Variants in COL8A1 observed in about 807,000 individuals in gnomAD.
The protein encoded by COL8A1 is collagen type VIII alpha 1 chain.
A neutral mutation model predicts 42.7 loss-of-function variants in COL8A1; 21 were observed. The observed-to-expected ratio is 0.49, with a 90% CI of 0.35 to 0.71. The LOEUF is 0.71. COL8A1 is among the 30% of genes least tolerant of loss of function. COL8A1 has a pLI of 0.01. For synonymous variants in COL8A1, 367 were observed against 369.1 expected (o/e 0.99, Z 0.06); for missense variants, 788 against 962.4 (o/e 0.82, Z 2.40).
intron 2 of COL8A1, among the ~76,000 whole-genome samples, chr3:99,779,504 T>C (rs563749125): frequency 1.3e-5 from 2 of 152,322 alleles, no homozygotes; most frequent in South Asian, 2.1e-4. Context: ...TTCAGTTCTC[T>C]GAATTTCAAA....
intron 1 of COL8A1, among the ~76,000 whole-genome samples, chr3:99,739,856 G>A (rs1320805098): frequency 6.6e-6 from 1 of 152,230 alleles, no homozygotes; most frequent in Non-Finnish European, 1.5e-5. Context: ...AATTTCTGCA[G>A]CAGGCTTGAA....
rs1559638164 is a variant in COL8A1, at chr3:99,794,092, C to G, written c.329-138C>G. On this transcript the variant is annotated intron_variant, in intron 3 of 3. Transcript: ENST00000652472. This position sits in a 1 kb window ranked among gnomAD's most constrained non-coding sequence, Gnocchi z 4.3. ...AGAAGATGAGCATATTATTCCTAGT[C>G]TTTTCTCTTGATAAGTATTAGGCAA... 21 of 576,152 alleles carry G rather than the reference C, an allele frequency of 3.6e-5. No individual in the cohort carries two copies. Among genetic ancestry groups the G allele is most frequent in the Non-Finnish European group, 2.4e-5 (8 of 333,426 alleles). 35.7% of individuals were successfully genotyped at this position (576,152 alleles called of 1,614,324 possible).
intron 1 of COL8A1, among the ~76,000 whole-genome samples, chr3:99,725,887 G>A: frequency 6.6e-6 from 1 of 152,062 alleles, no homozygotes; most frequent in East Asian, 1.9e-4. Context: ...GTGTGCATAT[G>A]TCTTTATAGC....
At chr3:99,770,987 C>A (rs564978276) in intron 2 of COL8A1, among the ~76,000 whole-genome samples, 1 of 152,290 alleles carries the variant, frequency 6.6e-6, no homozygotes, top group South Asian at 2.1e-4. Context: ...CCAAAACCTG[C>A]ATGACATGAA....
At chr3:99,711,856 T>G (rs914425287) in intron 1 of COL8A1, among the ~76,000 whole-genome samples, 15 of 152,168 alleles carry the variant, frequency 9.9e-5, no homozygotes, top group Non-Finnish European at 1.0e-4. Flanking sequence ...GATAATATTT[T>G]CTACCTCTCT....
chr3:99,675,899 C>G (rs1455771009), intron 1 of COL8A1, among the ~76,000 whole-genome samples: 5 of 151,912 alleles, frequency 3.3e-5, no homozygotes, highest in Non-Finnish European at 7.4e-5. Flanking sequence ...TTCATGTCAG[C>G]ATTATTTCAT....
chr3:99,687,540 C>T (rs902176722), intron 1 of COL8A1, among the ~76,000 whole-genome samples: 9 of 152,130 alleles, frequency 5.9e-5, no homozygotes, highest in Non-Finnish European at 1.2e-4. Flanking sequence ...CAGGAAGCTG[C>T]GGATGTGCAC....
chr3:99,677,935 G>A (rs1223280435), intron 1 of COL8A1: 1 of 152,208 alleles, frequency 6.6e-6, no homozygotes, highest in Non-Finnish European at 1.5e-5. Context: ...GTTTGTGACT[G>A]TGAGAAAAGA....
At chr3:99,707,297 G>A (rs991591046) in intron 1 of COL8A1, 8 of 152,132 alleles carry the variant, frequency 5.3e-5, no homozygotes, top group Admixed American at 3.3e-4. Context: ...AGCTTCACTG[G>A]TCTGAGAAAA....
chr3:99,736,938 T>C (rs1269450960), intron 1 of COL8A1, among the ~76,000 whole-genome samples: 1 of 152,248 alleles, frequency 6.6e-6, no homozygotes, highest in Non-Finnish European at 1.5e-5. Context: ...CATATATATT[T>C]AGGATAGTTA....
At chr3:99,697,656 T>G (rs927560233) in intron 1 of COL8A1, among the ~76,000 whole-genome samples, 1 of 152,148 alleles carries the variant, frequency 6.6e-6, no homozygotes, top group Non-Finnish European at 1.5e-5. Context: ...CTACAAATTC[T>G]CACTGACCAA....
At chr3:99,752,956 A>T (rs1941183220) in intron 2 of COL8A1, among the ~76,000 whole-genome samples, 1 of 152,136 alleles carries the variant, frequency 6.6e-6, no homozygotes, top group South Asian at 2.1e-4. Flanking sequence ...GCTCTGCCAC[A>T]TGCCTACTGC....
rs1942129278 is a variant in COL8A1, at chr3:99,797,705, A to G, written c.*1569A>G. 1 of 152,222 alleles carries G rather than the reference A, an allele frequency of 6.6e-6. No homozygotes were observed. The highest frequency in any genetic ancestry group is 6.5e-5 in the Admixed American group (1 of 15,286). The allele number at this position is 152,222 out of a possible 1,614,324, so 9.4% of individuals were successfully genotyped here. The stretch of plus-strand genomic sequence containing the variant: ...AGATGTGCTGCTTCTGGGTGTAGGT[A>G]GTAAAAGTATAGGAAAAGAACTGTT... On this transcript the variant is annotated 3_prime_UTR_variant, in exon 4 of 4. Coordinates refer to ENST00000652472, the MANE Select transcript of COL8A1 (RefSeq NM_020351.4).
Position 99,790,815 on chromosome 3 carries a change from C to T in COL8A1, c.133C>T (p.Pro45Ser). 6.2e-7 allele frequency: 1 copy of T among 1,614,220 alleles called. No individual in the cohort carries two copies. Among genetic ancestry groups the T allele is most frequent in the Non-Finnish European group, 8.5e-7 (1 of 1,180,032 alleles). Residue 45 changes from proline to serine, a missense_variant, in exon 3 of 4, where the codon CCA (proline) becomes TCA (serine). Pro to Ser is a moderately conservative substitution (Grantham distance 74). Coordinates refer to ENST00000652472, the MANE Select transcript of COL8A1 (RefSeq NM_020351.4). ...GCCACCTCAAATTCCTCCTCAGATG[C>T]CACCACAAATTCCACAATACCAGCC... ...PLPPQIPPQM[P>S]PQIPQYQPLG...
chr3:99,682,056 C>A (rs1488422850), intron 1 of COL8A1, among the ~76,000 whole-genome samples: 2 of 152,172 alleles, frequency 1.3e-5, no homozygotes, highest in African/African-American at 2.4e-5. Flanking sequence ...TTGAATTTAA[C>A]TTTCAAATCT....
At chr3:99,758,740 T>C (rs770877310) in intron 2 of COL8A1, among the ~76,000 whole-genome samples, 2 of 152,166 alleles carry the variant, frequency 1.3e-5, no homozygotes, top group Non-Finnish European at 2.9e-5. Flanking sequence ...CATTGAGAAA[T>C]ACTTCACTGA....
At chr3:99,707,458 T>G (rs62281859) in intron 1 of COL8A1, among the ~76,000 whole-genome samples, 11,754 of 152,252 alleles carry the variant, frequency 0.077, 569 homozygotes, top group Middle Eastern at 0.11. Flanking sequence ...GTTAGCTAAC[T>G]ATTGTCCTCC....
intron 1 of COL8A1, among the ~76,000 whole-genome samples, chr3:99,707,435 C>T (rs1273350078): frequency 4.6e-5 from 7 of 152,168 alleles, no homozygotes; most frequent in Admixed American, 4.6e-4. Flanking sequence ...AACCAAGGAG[C>T]TTCAAACCCT....
Position 99,794,898 on chromosome 3 carries a change from A to G in COL8A1, c.997A>G (p.Lys333Glu). 6.2e-7 allele frequency: 1 copy of G among 1,602,762 alleles called. No homozygotes were observed. Among genetic ancestry groups the G allele is most frequent in the Non-Finnish European group, 8.5e-7 (1 of 1,175,268 alleles). ...AGGCCAGCCAGGATTTCCAGGTGGC[A>G]AAGGGGAGCAAGGACTGCCAGGGCT... ...IPGQPGFPGG[K>E]GEQGLPGLPG... The change falls in exon 4 of 4, where the codon AAA (lysine) becomes GAA (glutamate). Residue 333 changes from lysine (K) to glutamate (E), a missense_variant. Physicochemically the swap from Lys to Glu is moderately conservative, Grantham distance 56. Around this residue, in one of 4 missense-constraint regions of COL8A1, gnomAD observed 421 missense variants for 553.1 expected, o/e 0.76. Transcript: ENST00000652472. This position sits in a 1 kb window ranked among gnomAD's most constrained non-coding sequence, Gnocchi z 4.3.
Sources: gnomAD v4.1 joint callset for allele counts (sites outside exome capture counted in the v4.1 genomes callset) on GRCh38, gnomAD v4.1.1 for gene constraint, gnomAD v4.1.1 regional missense constraint, Gnocchi (gnomAD v3.1) non-coding constraint, MANE v1.5 for transcripts, NCBI Gene and HGNC (gene_info 2026-07-23, HGNC 2026-07-21) for gene names.